The following RAD51B variants were observed in gnomAD, a reference collection of about 807,000 sequenced individuals.
RAD51B encodes the protein RAD51 paralog B.
A neutral mutation model predicts 42.2 loss-of-function variants in RAD51B; 38 were observed. That is an observed-to-expected ratio of 0.90 (90% CI 0.70 to 1.18). The LOEUF (loss-of-function observed/expected upper bound fraction) is 1.18, where lower values mean the gene tolerates loss of function less well. Among genes scored for constraint, RAD51B ranks in the 50% most tolerant of loss-of-function variants. The pLI is 0.00. For missense variants in RAD51B, 373 were observed against 400.7 expected (o/e 0.93, Z 0.59); for synonymous variants, 154 against 145.2 (o/e 1.06, Z -0.43).
At chr14:68,430,395 C>T (rs2084971523) in intron 9 of RAD51B, among the ~76,000 whole-genome samples, 1 of 152,162 alleles carries the variant, frequency 6.6e-6, no homozygotes, top group Non-Finnish European at 1.5e-5. Context: ...GAATGTTCTT[C>T]CATTTGTTTG....
chr14:68,286,629 A>C lies in RAD51B; in HGVS notation c.757-5255A>C, dbSNP rs116988984. ...GTACTCATGGAAGGCTCCAGTATAC[A>C]AAATGGCTACTCATGGGGCCCCCTC... On this transcript the variant is annotated intron_variant, in intron 7 of 10. Coordinates refer to ENST00000471583, the MANE Select transcript of RAD51B (RefSeq NM_133510.4). Among the ~76,000 whole-genome samples the C allele has an allele frequency of 2.9e-3, 439 of 152,344 alleles. 12 individuals are homozygous for C. The East Asian group carries it at 0.049, about 17-fold the overall frequency.
At chr14:68,338,279 G>A (rs2082498817) in intron 8 of RAD51B, among the ~76,000 whole-genome samples, 3 of 152,190 alleles carry the variant, frequency 2.0e-5, no homozygotes, top group Non-Finnish European at 4.4e-5. Flanking sequence ...TGTTGCCCAG[G>A]TGTAGCTCTC....
intron 7 of RAD51B, among the ~76,000 whole-genome samples, chr14:68,062,874 G>A (rs1401379543): frequency 6.6e-6 from 1 of 151,144 alleles, no homozygotes; most frequent in Non-Finnish European, 1.5e-5. Context: ...TCTGGTCCTG[G>A]GCTTTTCTTT....
chr14:68,404,842 C>G (rs1308990775), intron 8 of RAD51B, among the ~76,000 whole-genome samples: 1 of 152,168 alleles, frequency 6.6e-6, no homozygotes, highest in Non-Finnish European at 1.5e-5. Context: ...GAGTATGGAG[C>G]CTGAGTGACA....
At chr14:68,156,173 A>G (rs1289311700) in intron 7 of RAD51B, among the ~76,000 whole-genome samples, 2 of 152,000 alleles carry the variant, frequency 1.3e-5, no homozygotes, top group Non-Finnish European at 2.9e-5. Flanking sequence ...AGTTTTGTTT[A>G]TTTGTTTGTT....
chr14:68,309,407 A>G (rs900837247), intron 8 of RAD51B, among the ~76,000 whole-genome samples: 1 of 152,222 alleles, frequency 6.6e-6, no homozygotes, highest in Non-Finnish European at 1.5e-5. Flanking sequence ...TCACGACTCA[A>G]GGATCAGCAA....
At chr14:68,597,111 G>A (rs1384224562), downstream of RAD51B, among the ~76,000 whole-genome samples, 1 of 152,208 alleles carries the variant, frequency 6.6e-6, no homozygotes, top group Non-Finnish European at 1.5e-5. Context: ...TACTGTCATT[G>A]ACATGAAGCC....
At chr14:68,011,181 T>G (rs1183117094) in intron 7 of RAD51B, among the ~76,000 whole-genome samples, 1 of 152,090 alleles carries the variant, frequency 6.6e-6, no homozygotes, top group Non-Finnish European at 1.5e-5. Context: ...ATCAACATAG[T>G]GTGTGCAACA....
chr14:68,371,575 G>T (rs539609160), intron 8 of RAD51B, among the ~76,000 whole-genome samples: 1 of 152,026 alleles, frequency 6.6e-6, no homozygotes, highest in East Asian at 1.9e-4. Flanking sequence ...GTAAGTGACC[G>T]GGCGTGGTGG....
intron 7 of RAD51B, among the ~76,000 whole-genome samples, chr14:68,168,068 A>G (rs72725202): frequency 0.012 from 1,846 of 152,220 alleles, 24 homozygotes; most frequent in Middle Eastern, 0.044. Flanking sequence ...AGTGTCTCCC[A>G]TAATTTTGAC....
At chr14:68,394,871 C>T (rs2083867401) in intron 8 of RAD51B, among the ~76,000 whole-genome samples, 1 of 152,230 alleles carries the variant, frequency 6.6e-6, no homozygotes, top group African/African-American at 2.4e-5. Flanking sequence ...ACTGTCCTTT[C>T]CCTCTGCAGC....
chr14:68,186,251 A>G (rs2140895429), intron 7 of RAD51B, among the ~76,000 whole-genome samples: 1 of 152,350 alleles, frequency 6.6e-6, no homozygotes, highest in South Asian at 2.1e-4. Flanking sequence ...ACCTTGAAAT[A>G]TAAGAATCCT....
At chr14:68,391,838 C>T (rs998642019) in intron 8 of RAD51B, among the ~76,000 whole-genome samples, 1 of 152,166 alleles carries the variant, frequency 6.6e-6, no homozygotes, top group Non-Finnish European at 1.5e-5. Context: ...TTTCTGGCAG[C>T]TGCACAGTCA....
At chr14:68,607,299 T>G (rs10143573) in intron 10 of RAD51B, among the ~76,000 whole-genome samples, 1 of 152,000 alleles carries the variant, frequency 6.6e-6, no homozygotes, top group Non-Finnish European at 1.5e-5. Context: ...ATCTGCCCAG[T>G]ACCAGTTTGA....
chr14:68,470,265 C>G (rs941085336), intron 10 of RAD51B, among the ~76,000 whole-genome samples: 1 of 152,100 alleles, frequency 6.6e-6, no homozygotes, highest in Admixed American at 6.5e-5. Flanking sequence ...TTTCTCTATC[C>G]CACTCCCCCA....
chr14:67,924,285 G>C (rs2044428535), intron 7 of RAD51B, among the ~76,000 whole-genome samples: 1 of 151,900 alleles, frequency 6.6e-6, no homozygotes. Flanking sequence ...TTGGGTTCTT[G>C]GTCATGAAAA....
chr14:67,877,222 A>G (rs1254449316), intron 5 of RAD51B, among the ~76,000 whole-genome samples: 1 of 152,186 alleles, frequency 6.6e-6, no homozygotes, highest in Non-Finnish European at 1.5e-5. Context: ...GCAGCATGAT[A>G]TAATTGACAT....
chr14:68,594,329 C>A (rs1890890288), intron 10 of RAD51B, among the ~76,000 whole-genome samples: 1 of 152,214 alleles, frequency 6.6e-6, no homozygotes, highest in Admixed American at 6.5e-5. Flanking sequence ...CACCCGCATT[C>A]TTTTGCACAT....
intron 10 of RAD51B, chr14:68,610,911 C>T (rs1330095570): frequency 1.6e-6 from 1 of 609,904 alleles, no homozygotes. Flanking sequence ...TGTAACCCTG[C>T]AGGCCATGAA....
Sources: allele counts gnomAD v4.1 joint callset (sites outside exome capture counted in the v4.1 genomes callset), GRCh38; gene constraint gnomAD v4.1.1; transcripts MANE v1.5; gene names NCBI Gene and HGNC (gene_info 2026-07-23, HGNC 2026-07-21).